The following EP300 variants were observed in gnomAD, a reference collection of about 807,000 sequenced individuals.
EP300 encodes the protein histone acetyltransferase p300.
In EP300, 31 loss-of-function variants were observed where a neutral mutation model predicts 264.0. That is an observed-to-expected ratio of 0.12 (90% confidence interval 0.09 to 0.16). The LOEUF is 0.16. Ranked by LOEUF, EP300 falls within the 10% of genes least tolerant of loss-of-function variation. The probability of loss-of-function intolerance (pLI) is 1.00; values close to 1 mark genes in which losing one functional copy is unlikely to be tolerated. For synonymous variants in EP300, 1,340 were observed against 1,045.4 expected (o/e 1.28, Z -5.44); for missense variants, 2,766 against 3,052.9 (o/e 0.91, Z 2.21).
intron 21 of EP300, among the ~76,000 whole-genome samples, chr22:41,163,408 C>A (rs1245068194): frequency 7.9e-6 from 1 of 127,240 alleles, no homozygotes; most frequent in Non-Finnish European, 1.6e-5. Flanking sequence ...GCACTCCAGC[C>A]TGGGCGACAG....
intron 1 of EP300, among the ~76,000 whole-genome samples, chr22:41,100,554 G>T (rs1214147064): frequency 6.6e-6 from 1 of 151,928 alleles, no homozygotes; most frequent in Non-Finnish European, 1.5e-5. Context: ...AATATTTAGG[G>T]GAAAAAAATC....
intron 16 of EP300, among the ~76,000 whole-genome samples, chr22:41,154,358 AC>A (rs2093357334): frequency 8.2e-6 from 1 of 121,340 alleles, no homozygotes; most frequent in Admixed American, 1.1e-4. Flanking sequence ...CCCTCTTAAC[AC>A]GAGTATCTTG....
Position 41,168,705 on chromosome 22 carries a change from C to T in EP300, c.4026-16C>T, listed in dbSNP as rs2145763246. Reference sequence around the variant, plus strand: ...ATGAGTTATGTTGTGGTTCCCCCACCATCTCAATTGTATAGGTTTGTGGAC... The same window carrying T: ...ATGAGTTATGTTGTGGTTCCCCCACTATCTCAATTGTATAGGTTTGTGGAC... On this transcript the variant is annotated splice_polypyrimidine_tract_variant and intron_variant, in intron 24 of 30. Coordinates refer to ENST00000263253, the MANE Select transcript of EP300 (RefSeq NM_001429.4). 1 of 1,614,208 alleles carries T rather than the reference C, an allele frequency of 6.2e-7. No homozygotes were observed.
intron 24 of EP300, 23 bp downstream of exon 24, chr22:41,168,622 T>C (rs1177891254): frequency 7.4e-6 from 12 of 1,614,120 alleles, no homozygotes; most frequent in Middle Eastern, 1.6e-4. Flanking sequence ...TTCACTTTTC[T>C]TCTCCTCGTG....
At position 41,162,708 on chromosome 22, in the gene EP300, CT is replaced by C; in HGVS notation, c.3672-11del. ...TCTATCACTTTTTCTCATTGTGTCC[CT>C]TTTCTCTCCTTAGTACAATAAATAA... On this transcript the variant is annotated splice_polypyrimidine_tract_variant and intron_variant, in intron 20 of 30. Transcript: ENST00000263253. 6.2e-7 allele frequency: 1 copy of C among 1,603,432 alleles called. No homozygotes were observed. The highest frequency in any genetic ancestry group is 8.5e-7 in the Non-Finnish European group (1 of 1,170,466).
chr22:41,177,442 C>T lies in EP300; in HGVS notation c.5731C>T (p.Pro1911Ser), dbSNP rs761000930. Reference sequence around the variant, plus strand: ...AGGCCAGGTGACCCCTCCAACCCCTCCTCAGACTGCTCAGCCACCCCTTCC... The same window carrying T: ...AGGCCAGGTGACCCCTCCAACCCCTTCTCAGACTGCTCAGCCACCCCTTCC... ...AAGQVTPPTP[P>S]QTAQPPLPGP... The change falls in exon 31 of 31, where the codon CCT becomes TCT. Residue 1911 changes from proline (P) to serine (S), a missense_variant. Transcript: ENST00000263253. 1.2e-6 allele frequency: 2 copies of T among 1,614,068 alleles called. No individual in the cohort carries two copies. Among genetic ancestry groups the T allele is most frequent in the Non-Finnish European group, 1.7e-6 (2 of 1,180,056 alleles).
chr22:41,106,366 CTTTT>C (rs964357785), intron 1 of EP300, among the ~76,000 whole-genome samples: 63 of 152,138 alleles, frequency 4.1e-4, no homozygotes, highest in Non-Finnish European at 7.2e-4. Context: ...CAACTCCATT[CTTTT>C]TTTGTTTCAT....
At chr22:41,147,804 C>T (rs745390773) in intron 11 of EP300, 33 bp from the exon 12 acceptor site, 55 of 1,311,694 alleles carry the variant, frequency 4.2e-5, no homozygotes, top group Middle Eastern at 1.8e-4. Context: ...TTCACAAAGG[C>T]ATTCAGATCT....
In EP300 at chr22:41,140,291, G is replaced by T. The variant is rs752161745; in HGVS notation, c.1878+34G>T. ...CTGGTTTTTTTCTATTAATAGCCAA[G>T]ATTGAACCTGTTGTGGTTATTTTAT... On this transcript the variant is annotated intron_variant, in intron 9 of 30. Coordinates refer to ENST00000263253, the MANE Select transcript of EP300 (RefSeq NM_001429.4). The T allele has an allele frequency of 3.7e-6, 5 of 1,366,988 alleles. No homozygotes were observed. In the African/African-American group the frequency reaches 4.3e-5, roughly 12 times the overall value. The allele number at this position is 1,366,988 out of a possible 1,614,324, so 84.7% of individuals were successfully genotyped here.
At chr22:41,140,102 T>C in intron 8 of EP300, 38 bp from the exon 9 acceptor site, 1 of 1,413,544 alleles carries the variant, frequency 7.1e-7, no homozygotes, top group Non-Finnish European at 1.0e-6. Flanking sequence ...AATTAAATGC[T>C]GACATGATAT....
intron 1 of EP300, among the ~76,000 whole-genome samples, chr22:41,107,600 G>A (rs1272726765): frequency 1.3e-5 from 2 of 152,076 alleles, no homozygotes; most frequent in African/African-American, 4.8e-5. Flanking sequence ...TAATTTTGAA[G>A]GTTATGCTTC....
intron 30 of EP300, 53 bp from the exon 31 acceptor site, chr22:41,176,720 T>C: frequency 5.6e-6 from 9 of 1,613,434 alleles, no homozygotes; most frequent in South Asian, 4.4e-5. Context: ...TAAAATACTT[T>C]TGAATGACTT....
chr22:41,105,677 G>A (rs536449580), intron 1 of EP300, among the ~76,000 whole-genome samples: 142 of 152,250 alleles, frequency 9.3e-4, no homozygotes, highest in African/African-American at 3.3e-3. Flanking sequence ...GATTACAGGC[G>A]TGAGCCACCA....
intron 29 of EP300, among the ~76,000 whole-genome samples, chr22:41,174,431 C>T (rs1200875058): frequency 2.0e-5 from 3 of 152,104 alleles, no homozygotes; most frequent in African/African-American, 2.4e-5. Flanking sequence ...AAGATTTAAC[C>T]TTTCTGAAAG....
At chr22:41,143,493 T>A (rs1258735495) in intron 10 of EP300, among the ~76,000 whole-genome samples, 1 of 152,144 alleles carries the variant, frequency 6.6e-6, no homozygotes, top group African/African-American at 2.4e-5. Flanking sequence ...AAAAACAAAA[T>A]TGAAAGAACT....
At chr22:41,120,327 A>G (rs2058845277) in intron 2 of EP300, among the ~76,000 whole-genome samples, 1 of 152,144 alleles carries the variant, frequency 6.6e-6, no homozygotes, top group African/African-American at 2.4e-5. Flanking sequence ...ACCAAAAACA[A>G]AAAATTATCC....
chr22:41,095,358 A>G (rs2058696648), intron 1 of EP300, among the ~76,000 whole-genome samples: 1 of 145,812 alleles, frequency 6.9e-6, no homozygotes, highest in Non-Finnish European at 1.5e-5. Flanking sequence ...CAGCCTCCCT[A>G]GTAGCTAGGA....
chr22:41,137,880 A>G (rs1951601066), intron 8 of EP300, 90 bp downstream of exon 8: 5 of 1,567,778 alleles, frequency 3.2e-6, no homozygotes, highest in African/African-American at 1.3e-5. Flanking sequence ...CTAAAGGAAT[A>G]TTAGCAATTT....
chr22:41,133,804 T>C (rs2058934180), intron 6 of EP300, among the ~76,000 whole-genome samples: 1 of 152,232 alleles, frequency 6.6e-6, no homozygotes, highest in South Asian at 2.1e-4. Flanking sequence ...AAACCAGTGA[T>C]CTGCTTTTAA....
Sources: allele counts gnomAD v4.1 joint callset (sites outside exome capture counted in the v4.1 genomes callset), GRCh38; gene constraint gnomAD v4.1.1; transcripts MANE v1.5; gene names NCBI Gene and HGNC (gene_info 2026-07-23, HGNC 2026-07-21).